GATC: variants seen among roughly 807,000 people sequenced by gnomAD.
GATC encodes glutamyl-tRNA amidotransferase subunit C.
GATC carries 11 observed loss-of-function variants against 14.4 expected under a neutral mutation model. The observed-to-expected ratio is 0.77, with a 90% CI of 0.48 to 1.27. The LOEUF (loss-of-function observed/expected upper bound fraction) is 1.27, where lower values mean the gene tolerates loss of function less well. GATC is among the 50% of genes most tolerant of loss of function. The pLI is 0.00. For missense variants in GATC, 204 were observed against 183.0 expected, an observed-to-expected ratio of 1.11 and a Z score of -0.66; for synonymous variants, 76 against 79.3, an observed-to-expected ratio of 0.96 and a Z score of 0.22.
In GATC at chr12:120,462,225, A is replaced by G. The variant is rs1452570641; in HGVS notation, c.*2266A>G. On this transcript the variant is annotated 3_prime_UTR_variant, in exon 4 of 4. Coordinates refer to ENST00000551765, the MANE Select transcript of GATC (RefSeq NM_176818.3). ...AAAAATCAGAGCCAGAAGAATAAGCAAACCAACATCTAACAATAATAGTTA... is the reference window on the plus strand; with the variant it reads ...AAAAATCAGAGCCAGAAGAATAAGCGAACCAACATCTAACAATAATAGTTA... 1 of 1,519,046 alleles carries G rather than the reference A, an allele frequency of 6.6e-7. No homozygotes were observed. Among genetic ancestry groups the G allele is most frequent in the Non-Finnish European group, 8.9e-7 (1 of 1,120,568 alleles). The allele number at this position is 1,519,046 out of a possible 1,614,324, so 94.1% of individuals were successfully genotyped here.
In GATC at chr12:120,461,549, TAA is replaced by T. The variant is rs1180700328; in HGVS notation, c.*1592_*1593del. 1 of 152,308 alleles carries T rather than the reference TAA, an allele frequency of 6.6e-6. No homozygotes were observed. The highest frequency in any genetic ancestry group is 1.5e-5 in the Non-Finnish European group (1 of 68,176). The allele number at this position is 152,308 out of a possible 1,614,324, so 9.4% of individuals were successfully genotyped here. On this transcript the variant is annotated 3_prime_UTR_variant, in exon 4 of 4. Coordinates refer to ENST00000551765, the MANE Select transcript of GATC (RefSeq NM_176818.3). ...GAGCAACTGTCTATCCCCATATAAA[TAA>T]AGTTATCTACCCCTGCTCCTAACTG...
In GATC at chr12:120,461,710, C is replaced by T. The variant is rs1245159897; in HGVS notation, c.*1751C>T. 3 of 205,748 alleles carry T rather than the reference C, an allele frequency of 1.5e-5. No individual in the cohort carries two copies. The highest frequency in any genetic ancestry group is 2.9e-5 in the Non-Finnish European group (3 of 104,226). The allele number at this position is 205,748 out of a possible 1,614,324, so 12.7% of individuals were successfully genotyped here. A position where few individuals can be genotyped will look rare whatever the true frequency, so the allele number is the denominator to read the frequency against. On this transcript the variant is annotated 3_prime_UTR_variant, in exon 4 of 4. Transcript: ENST00000551765. ...AAAATATATTTCTAAACAGAATGGG[C>T]CGACTCAGTCACAGTAACTGTTGAT...
At chr12:120,449,432 A>T (rs559482621) in intron 2 of GATC, among the ~76,000 whole-genome samples, 1 of 151,866 alleles carries the variant, frequency 6.6e-6, no homozygotes, top group East Asian at 1.9e-4. Flanking sequence ...CTGAGTATTC[A>T]GTAAATGTGT....
intron 2 of GATC, among the ~76,000 whole-genome samples, chr12:120,451,580 A>G (rs1204555261): frequency 6.6e-6 from 1 of 151,926 alleles, no homozygotes; most frequent in East Asian, 1.9e-4. Context: ...CTTCTCTACT[A>G]AAAATACAAA....
intron 2 of GATC, chr12:120,455,163 T>A: frequency 4.6e-6 from 1 of 219,696 alleles, no homozygotes; most frequent in South Asian, 4.9e-5. Context: ...GATTACAGGC[T>A]TGAGCCACTG....
intron 2 of GATC, among the ~76,000 whole-genome samples, chr12:120,452,363 T>G (rs2137040900): frequency 6.6e-6 from 1 of 152,260 alleles, no homozygotes; most frequent in African/African-American, 2.4e-5. Flanking sequence ...CCAGCTAAAG[T>G]CGATTCCTAG....
rs189917426 is a variant in GATC at position 120,460,394 on chromosome 12, C to A, written c.*435C>A. The stretch of plus-strand genomic sequence containing the variant: ...ATTGATTTGAGCAGCCCTATCTTTA[C>A]CGAACATACCTGAATTTGTTCCTGG... On this transcript the variant is annotated 3_prime_UTR_variant, in exon 4 of 4. Transcript: ENST00000551765. The A allele has an allele frequency of 1.3e-5, 2 of 153,628 alleles. No individual in the cohort carries two copies. The highest frequency in any genetic ancestry group is 2.9e-5 in the Non-Finnish European group (2 of 69,072). The allele number at this position is 153,628 out of a possible 1,614,324, so 9.5% of individuals were successfully genotyped here.
chr12:120,452,159 G>A (rs1878069012), intron 2 of GATC, among the ~76,000 whole-genome samples: 1 of 152,058 alleles, frequency 6.6e-6, no homozygotes, highest in Non-Finnish European at 1.5e-5. Context: ...TTGCAGGCAT[G>A]AGCCACCGTG....
chr12:120,457,035 C>T, intron 2 of GATC, 41 bp from the exon 3 acceptor site: 1 of 1,370,936 alleles, frequency 7.3e-7, no homozygotes, highest in African/African-American at 1.4e-5. Flanking sequence ...CTAAAAGCCC[C>T]CTTCTCTGAG....
At chr12:120,454,642 C>T (rs1367790270) in intron 2 of GATC, among the ~76,000 whole-genome samples, 2 of 151,564 alleles carry the variant, frequency 1.3e-5, no homozygotes, top group Non-Finnish European at 1.5e-5. Context: ...GTCTTGATCT[C>T]CTGACCTCGT....
intron 2 of GATC, among the ~76,000 whole-genome samples, chr12:120,455,633 G>A (rs895323604): frequency 4.0e-5 from 6 of 151,808 alleles, no homozygotes; most frequent in Non-Finnish European, 7.4e-5. Context: ...CTTTGGGCTG[G>A]GTGCCACAAA....
At chr12:120,449,304 G>C (rs1360974030) in intron 2 of GATC, among the ~76,000 whole-genome samples, 2 of 152,060 alleles carry the variant, frequency 1.3e-5, no homozygotes, top group Non-Finnish European at 2.9e-5. Flanking sequence ...CAAAAGGGCT[G>C]ATTTATACAT....
intron 2 of GATC, among the ~76,000 whole-genome samples, chr12:120,454,773 T>C (rs899180180): frequency 1.3e-5 from 2 of 151,734 alleles, no homozygotes; most frequent in East Asian, 3.9e-4. Flanking sequence ...AGTCCAAGGG[T>C]TACCTTTGAA....
Position 120,457,144 on chromosome 12 carries a change from A to G in GATC, c.323A>G (p.His108Arg). Residue 108 changes from histidine to arginine, a missense_variant, in exon 3 of 4, where the codon CAT (histidine) becomes CGT (arginine). Physicochemically the swap from His to Arg is conservative, Grantham distance 29. Coordinates refer to ENST00000551765, the MANE Select transcript of GATC (RefSeq NM_176818.3). ...GCTGATGAATTACTACAAAACTCCC[A>G]TCGCGTCGTGGAGGAGTACTTTGTG... ...NCADELLQNS[H>R]RVVEEYFVAP... The G allele has an allele frequency of 6.2e-7, 1 of 1,614,122 alleles. No homozygotes were observed. Among genetic ancestry groups the G allele is most frequent in the Non-Finnish European group, 8.5e-7 (1 of 1,179,980 alleles).
chr12:120,446,924 AGT>A, intron 2 of GATC, 95 bp downstream of exon 2: 1 of 1,252,096 alleles, frequency 8.0e-7, no homozygotes, highest in Non-Finnish European at 1.1e-6. Flanking sequence ...GGGGTTAAAG[AGT>A]GTTAGCAAGA....
intron 2 of GATC, among the ~76,000 whole-genome samples, chr12:120,447,599 T>G (rs1361430659): frequency 6.6e-6 from 1 of 152,168 alleles, no homozygotes; most frequent in East Asian, 1.9e-4. Flanking sequence ...GAAAGGGCTC[T>G]CCTAACCACT....
chr12:120,447,660 C>T, intron 2 of GATC, among the ~76,000 whole-genome samples: 1 of 152,084 alleles, frequency 6.6e-6, no homozygotes. Flanking sequence ...TGGGTTTTTT[C>T]CCTAACATTT....
At chr12:120,452,755 C>T (rs913874767) in intron 2 of GATC, among the ~76,000 whole-genome samples, 11 of 152,066 alleles carry the variant, frequency 7.2e-5, no homozygotes, top group Admixed American at 2.6e-4. Context: ...AGTGCAGTGG[C>T]GCAATCTTGG....
At chr12:120,449,698 C>T (rs1221767252) in intron 2 of GATC, among the ~76,000 whole-genome samples, 1 of 151,920 alleles carries the variant, frequency 6.6e-6, no homozygotes, top group South Asian at 2.1e-4. Context: ...CTGCCTGCCT[C>T]AGCCTCCCAA....
Sources: gnomAD v4.1 joint callset for allele counts (sites outside exome capture counted in the v4.1 genomes callset) on GRCh38, gnomAD v4.1.1 for gene constraint, MANE v1.5 for transcripts, NCBI Gene and HGNC (gene_info 2026-07-23, HGNC 2026-07-21) for gene names.